The following SAMD12 variants were observed in gnomAD, a reference collection of about 807,000 sequenced individuals.
SAMD12 encodes the protein sterile alpha motif domain-containing protein 12.
Under a neutral mutation model 15.0 loss-of-function variants are expected in SAMD12, and 9 were observed. The observed-to-expected ratio is 0.60, with a 90% confidence interval of 0.36 to 1.05. SAMD12 has a LOEUF of 1.05. Among genes scored for constraint, SAMD12 ranks in the 50% least tolerant of loss-of-function variants. The pLI is 0.01. For synonymous variants in SAMD12, 86 were observed against 90.1 expected (o/e 0.96, Z 0.25); for missense variants, 230 against 234.2 (o/e 0.98, Z 0.12).
chr8:118,256,779 TACACACACACACACACACACACAC>T (rs3052764), intron 4 of SAMD12, among the ~76,000 whole-genome samples: 1 of 139,776 alleles, frequency 7.2e-6, no homozygotes. Context: ...CTGCATAAGA[TACACACACACACACACACACACAC>T]ACACACACAC....
intron 1 of SAMD12, among the ~76,000 whole-genome samples, chr8:118,589,420 T>C (rs1161113869): frequency 6.6e-6 from 1 of 152,252 alleles, no homozygotes; most frequent in African/African-American, 2.4e-5. Context: ...TAATGGAATC[T>C]AGTTTTCCAA....
intron 2 of SAMD12, among the ~76,000 whole-genome samples, chr8:118,514,108 G>A (rs1409381821): frequency 6.6e-6 from 1 of 152,264 alleles, no homozygotes; most frequent in Non-Finnish European, 1.5e-5. Context: ...CAAATTTGTA[G>A]CCTCTGCTGT....
At chr8:118,419,819 T>G (rs1430505754) in intron 3 of SAMD12, among the ~76,000 whole-genome samples, 1 of 152,108 alleles carries the variant, frequency 6.6e-6, no homozygotes, top group Admixed American at 6.5e-5. Context: ...CCTGAAAGAT[T>G]TATATAGAAG....
At chr8:118,292,044 T>C (rs1290737877) in intron 4 of SAMD12, among the ~76,000 whole-genome samples, 1 of 151,470 alleles carries the variant, frequency 6.6e-6, no homozygotes. Flanking sequence ...TGAATTCTAT[T>C]GCCCATTATA....
chr8:118,157,615 T>C, the SAMD12 span, among the ~76,000 whole-genome samples: 13 of 152,262 alleles, frequency 8.5e-5, no homozygotes, highest in Non-Finnish European at 1.9e-4. Context: ...CTGGACGTAC[T>C]CTTTATCAAG....
chr8:118,181,900 T>A, the SAMD12 span, among the ~76,000 whole-genome samples: 1 of 152,226 alleles, frequency 6.6e-6, no homozygotes, highest in East Asian at 1.9e-4. Flanking sequence ...TGAGGTTGGT[T>A]GCTAGAGGGC....
chr8:118,376,098 A>C (rs999373933), downstream of SAMD12, among the ~76,000 whole-genome samples: 6 of 152,180 alleles, frequency 3.9e-5, no homozygotes, highest in Non-Finnish European at 8.8e-5. Context: ...TGGACAGTTA[A>C]GTTGTTTCCA....
chr8:118,197,322 C>A, exon 5 of SAMD12: 3 of 229,440 alleles, frequency 1.3e-5, no homozygotes, highest in East Asian at 9.9e-5. Context: ...TTTTCTAAAA[C>A]ATCATGCCAT....
intron 2 of SAMD12, among the ~76,000 whole-genome samples, chr8:118,525,460 C>T (rs1442829443): frequency 3.3e-5 from 5 of 152,298 alleles, no homozygotes; most frequent in African/African-American, 1.2e-4. Flanking sequence ...AGAGCAGACA[C>T]TATTTTGCAC....
chr8:118,468,214 A>T lies in SAMD12; in HGVS notation c.193-28253T>A, dbSNP rs76706561. On this transcript the variant is annotated intron_variant, in intron 2 of 3. Coordinates refer to ENST00000314727, the MANE Select transcript of SAMD12 (RefSeq NM_207506.3). ...TATGAACAACATAAATGGTGGAAAA[A>T]CAGCTGTGGCAAGCTGGCCAAAAAG... Among the ~76,000 whole-genome samples, 715 of 152,308 alleles carry T rather than the reference A, an allele frequency of 4.7e-3. 7 individuals are homozygous for T. Among genetic ancestry groups the T allele is most frequent in the African/African-American group, 0.017 (689 of 41,550 alleles).
At chr8:118,148,030 T>A in the SAMD12 span, among the ~76,000 whole-genome samples, 1 of 151,740 alleles carries the variant, frequency 6.6e-6, no homozygotes, top group African/African-American at 2.4e-5. Flanking sequence ...CAGGTTCAAG[T>A]GATTCTCCTG....
intron 4 of SAMD12, among the ~76,000 whole-genome samples, chr8:118,350,808 G>A (rs760690321): frequency 1.8e-4 from 28 of 152,134 alleles, no homozygotes; most frequent in South Asian, 4.1e-4. Flanking sequence ...CAAAATATGC[G>A]TGCTTTGGTG....
chr8:118,552,030 A>T (rs1276046921), intron 2 of SAMD12, among the ~76,000 whole-genome samples: 9 of 151,984 alleles, frequency 5.9e-5, no homozygotes, highest in South Asian at 2.1e-4. Flanking sequence ...TTGTGGCAAT[A>T]ATCAATAGCT....
At chr8:118,421,446 A>C (rs1388956611) in intron 3 of SAMD12, among the ~76,000 whole-genome samples, 1 of 152,200 alleles carries the variant, frequency 6.6e-6, no homozygotes, top group Non-Finnish European at 1.5e-5. Context: ...GTAATTGCTG[A>C]GCTTGTATCT....
chr8:118,168,812 T>C, the SAMD12 span, among the ~76,000 whole-genome samples: 2 of 152,100 alleles, frequency 1.3e-5, no homozygotes, highest in Admixed American at 1.3e-4. Flanking sequence ...GCATACGAGT[T>C]GTGGAAATCA....
chr8:118,165,856 T>C, the SAMD12 span, among the ~76,000 whole-genome samples: 2 of 151,998 alleles, frequency 1.3e-5, no homozygotes, highest in Non-Finnish European at 2.9e-5. Context: ...CCCAACTTTT[T>C]ATCCTCTTCA....
intron 2 of SAMD12, among the ~76,000 whole-genome samples, chr8:118,487,910 CTGAT>C (rs1295310118): frequency 6.6e-6 from 1 of 152,130 alleles, no homozygotes; most frequent in African/African-American, 2.4e-5. Flanking sequence ...TTCCTGCAAT[CTGAT>C]TAATTTCACC....
At chr8:118,188,774 ATTTTTT>A (rs34305004), downstream of SAMD12, among the ~76,000 whole-genome samples, 4 of 149,868 alleles carry the variant, frequency 2.7e-5, no homozygotes, top group African/African-American at 9.8e-5. Flanking sequence ...TATTCAGGGG[ATTTTTT>A]TTTTAAGTTT....
chr8:118,439,712 G>T (rs1361039152), intron 3 of SAMD12, 120 bp downstream of exon 3: 2 of 928,686 alleles, frequency 2.2e-6, no homozygotes, highest in Non-Finnish European at 1.7e-6. Flanking sequence ...CCCTTTGGAA[G>T]TAAACCCATG....
Sources: allele counts gnomAD v4.1 joint callset (sites outside exome capture counted in the v4.1 genomes callset), GRCh38; gene constraint gnomAD v4.1.1; transcripts MANE v1.5; gene names NCBI Gene and HGNC (gene_info 2026-07-23, HGNC 2026-07-21).